The following ALX1 variants were observed in gnomAD, a reference collection of about 807,000 sequenced individuals.
The protein encoded by ALX1 is ALX homeobox 1.
A neutral mutation model predicts 31.7 loss-of-function variants in ALX1; 19 were observed. The ratio of observed to expected loss-of-function variants is 0.60; its 90% CI spans 0.42 to 0.88. The LOEUF is 0.88. ALX1 is among the 40% of genes least tolerant of loss of function. The probability of loss-of-function intolerance (pLI) is 0.00; values close to 1 mark genes in which losing one functional copy is unlikely to be tolerated. For synonymous variants in ALX1, 153 were observed against 148.8 expected (o/e 1.03, Z -0.20); for missense variants, 415 against 407.8 (o/e 1.02, Z -0.15).
chr12:85,284,716 A>C (rs1210320928), intron 2 of ALX1, among the ~76,000 whole-genome samples: 1 of 152,134 alleles, frequency 6.6e-6, no homozygotes, highest in East Asian at 1.9e-4. Flanking sequence ...ATATTCTTAA[A>C]CTATATTTTA....
chr12:85,288,058 T>A (rs1029316423), intron 3 of ALX1, among the ~76,000 whole-genome samples: 1 of 151,466 alleles, frequency 6.6e-6, no homozygotes, highest in African/African-American at 2.4e-5. Context: ...GAAACCTCAC[T>A]CCTCCAGATA....
At position 85,285,682 on chromosome 12, in the gene ALX1, A is replaced by G. The variant is rs551059214; in HGVS notation, c.532-1171A>G. Among the ~76,000 whole-genome samples the G allele has an allele frequency of 2.6e-5, 4 of 152,102 alleles. No individual in the cohort carries two copies. The South Asian group carries it at 6.2e-4, about 24-fold the overall frequency. ...TACAAGATTAGAATTGAGTATGAAAAAGAGTGAAAATTTCAAGTAAACTTC... is the reference window on the plus strand; with the variant it reads ...TACAAGATTAGAATTGAGTATGAAAGAGAGTGAAAATTTCAAGTAAACTTC... On this transcript the variant is annotated intron_variant, in intron 2 of 3. Transcript: ENST00000316824.
intron 2 of ALX1, among the ~76,000 whole-genome samples, chr12:85,286,435 A>G (rs1212896617): frequency 1.3e-5 from 2 of 151,960 alleles, no homozygotes; most frequent in Non-Finnish European, 2.9e-5. Flanking sequence ...TCAGATATTA[A>G]TTTGCTTATA....
chr12:85,290,607 T>C (rs888227228), intron 3 of ALX1, among the ~76,000 whole-genome samples: 40 of 151,312 alleles, frequency 2.6e-4, no homozygotes, highest in African/African-American at 7.3e-4. Flanking sequence ...TAAGGTAGTA[T>C]ATTTTGATGT....
intron 2 of ALX1, 124 bp downstream of exon 2, chr12:85,284,000 T>A: frequency 9.1e-7 from 1 of 1,094,772 alleles, no homozygotes; most frequent in Non-Finnish European, 1.4e-6. Context: ...AGAAACGGAG[T>A]AATATATATG....
chr12:85,291,887 G>T (rs1219134420), intron 3 of ALX1, among the ~76,000 whole-genome samples: 1 of 151,180 alleles, frequency 6.6e-6, no homozygotes, highest in African/African-American at 2.4e-5. Context: ...CAGTCAGAGA[G>T]GTGTGGGTTC....
intron 3 of ALX1, among the ~76,000 whole-genome samples, chr12:85,295,400 T>A (rs1896874276): frequency 6.6e-6 from 1 of 151,532 alleles, no homozygotes; most frequent in Non-Finnish European, 1.5e-5. Context: ...TCTTAAAAAA[T>A]TTAGCTGTTT....
rs751238742 is a variant in ALX1, at chr12:85,286,827, A to G, written c.532-26A>G. 5 of 1,541,710 alleles carry G rather than the reference A, an allele frequency of 3.2e-6. No individual in the cohort carries two copies. In the South Asian group the frequency reaches 4.7e-5, roughly 15 times the overall value. Reference sequence around the variant, plus strand: ...GCTTTATCAAATATTCCTTAGCTAAAATTCTAATTTTTATTAAATAATTAG... The same window carrying G: ...GCTTTATCAAATATTCCTTAGCTAAGATTCTAATTTTTATTAAATAATTAG... On this transcript the variant is annotated intron_variant, in intron 2 of 3. Transcript: ENST00000316824.
At chr12:85,282,202 T>C (rs1224744127) in intron 1 of ALX1, among the ~76,000 whole-genome samples, 1 of 152,112 alleles carries the variant, frequency 6.6e-6, no homozygotes, top group Non-Finnish European at 1.5e-5. Context: ...TGGTTTAACA[T>C]CACATCTTCG....
At chr12:85,283,493 C>G (rs1295913109) in intron 1 of ALX1, 79 bp from the exon 2 acceptor site, 8 of 1,459,054 alleles carry the variant, frequency 5.5e-6, no homozygotes, top group Non-Finnish European at 6.7e-6. Flanking sequence ...TTGATACTCT[C>G]AATTACTTCT....
At chr12:85,298,915 T>A (rs985877924) in intron 3 of ALX1, among the ~76,000 whole-genome samples, 3 of 151,754 alleles carry the variant, frequency 2.0e-5, no homozygotes, top group Non-Finnish European at 4.4e-5. Flanking sequence ...ATGTTAATTA[T>A]GTTAGGGAGG....
intron 3 of ALX1, among the ~76,000 whole-genome samples, chr12:85,289,812 A>G (rs1447462936): frequency 6.6e-6 from 1 of 151,246 alleles, no homozygotes; most frequent in Admixed American, 6.6e-5. Flanking sequence ...GTTTGAAAAA[A>G]TAATTGGGCC....
chr12:85,301,660 T>G lies in ALX1; in HGVS notation c.*185T>G, dbSNP rs1330306561. ...TCTAAGAATGAACCTCTGAAAAGAC[T>G]AAATAGGTTTACCATGTGCCAGTCT... On this transcript the variant is annotated 3_prime_UTR_variant, in exon 4 of 4. Coordinates refer to ENST00000316824, the MANE Select transcript of ALX1 (RefSeq NM_006982.3). 2 of 689,618 alleles carry G rather than the reference T, an allele frequency of 2.9e-6. No homozygotes were observed. The highest frequency in any genetic ancestry group is 3.9e-5 in the South Asian group (2 of 51,056). The allele number at this position is 689,618 out of a possible 1,614,324, so 42.7% of individuals were successfully genotyped here. A position where few individuals can be genotyped will look rare whatever the true frequency, so the allele number is the denominator to read the frequency against.
intron 3 of ALX1, among the ~76,000 whole-genome samples, chr12:85,287,778 A>G (rs1168116454): frequency 6.6e-6 from 1 of 151,380 alleles, no homozygotes; most frequent in Non-Finnish European, 1.5e-5. Flanking sequence ...TGTATTTGAT[A>G]CATGATGAAA....
At chr12:85,293,747 C>T (rs1252451055) in intron 3 of ALX1, among the ~76,000 whole-genome samples, 1 of 150,882 alleles carries the variant, frequency 6.6e-6, no homozygotes. Flanking sequence ...ATATAAAAAC[C>T]TCACAAGAAG....
intron 2 of ALX1, 141 bp downstream of exon 2, chr12:85,284,017 T>C (rs1196788448): frequency 1.1e-6 from 1 of 935,970 alleles, no homozygotes; most frequent in Non-Finnish European, 1.6e-6. Flanking sequence ...TATGAATATA[T>C]GTCTACTAAA....
At chr12:85,293,202 C>A (rs1896841487) in intron 3 of ALX1, among the ~76,000 whole-genome samples, 2 of 148,182 alleles carry the variant, frequency 1.3e-5, no homozygotes, top group Non-Finnish European at 3.0e-5. Context: ...AGTAAATATA[C>A]TGATTTAATT....
intron 3 of ALX1, among the ~76,000 whole-genome samples, chr12:85,295,544 G>T (rs1009914255): frequency 6.6e-6 from 1 of 151,478 alleles, no homozygotes; most frequent in Admixed American, 6.6e-5. Context: ...TAAACATTAT[G>T]CCAAAGAGGA....
chr12:85,295,333 A>G (rs967862810), intron 3 of ALX1, among the ~76,000 whole-genome samples: 1 of 151,502 alleles, frequency 6.6e-6, no homozygotes, highest in African/African-American at 2.4e-5. Flanking sequence ...TATGATTCTT[A>G]TTAATATTTT....
Sources: gnomAD v4.1 joint callset for allele counts (sites outside exome capture counted in the v4.1 genomes callset) on GRCh38, gnomAD v4.1.1 for gene constraint, MANE v1.5 for transcripts, NCBI Gene and HGNC (gene_info 2026-07-23, HGNC 2026-07-21) for gene names.